Variants in FSHR observed in about 807,000 individuals in gnomAD.
The protein encoded by FSHR is follicle-stimulating hormone receptor.
A neutral mutation model predicts 52.1 loss-of-function variants in FSHR; 46 were observed. The ratio of observed to expected loss-of-function variants is 0.88; its 90% CI spans 0.70 to 1.13. The LOEUF (loss-of-function observed/expected upper bound fraction) is 1.13, where lower values mean the gene tolerates loss of function less well. Ranked by LOEUF, FSHR falls within the 50% of genes most tolerant of loss-of-function variation. FSHR has a pLI of 0.00. For missense variants in FSHR, 964 were observed against 834.6 expected (o/e 1.16, Z -1.91); for synonymous variants, 399 against 309.6 (o/e 1.29, Z -3.03).
At chr2:49,062,932 A>G (rs1362625996) in intron 2 of FSHR, among the ~76,000 whole-genome samples, 1 of 152,140 alleles carries the variant, frequency 6.6e-6, no homozygotes, top group Non-Finnish European at 1.5e-5. Context: ...AACATAAACA[A>G]ATACTGGCAA....
chr2:48,986,218 T>C (rs937764299), intron 6 of FSHR, among the ~76,000 whole-genome samples: 4 of 152,130 alleles, frequency 2.6e-5, no homozygotes, highest in South Asian at 2.1e-4. Flanking sequence ...AGTGAACATA[T>C]GGTATTTGGT....
intron 1 of FSHR, among the ~76,000 whole-genome samples, chr2:49,147,964 G>A (rs1227256436): frequency 6.6e-6 from 1 of 152,010 alleles, no homozygotes; most frequent in Admixed American, 6.6e-5. Flanking sequence ...AATTTGCACA[G>A]TGGGGTGTTC....
At chr2:49,035,329 C>T (rs943193543) in intron 2 of FSHR, among the ~76,000 whole-genome samples, 4 of 152,198 alleles carry the variant, frequency 2.6e-5, no homozygotes, top group Admixed American at 6.5e-5. Flanking sequence ...CTTTCATTTT[C>T]GAAGGGTCTC....
intron 3 of FSHR, among the ~76,000 whole-genome samples, chr2:49,019,085 T>C (rs1667601265): frequency 1.3e-5 from 2 of 152,216 alleles, no homozygotes; most frequent in African/African-American, 2.4e-5. Flanking sequence ...ATGTGTTCCA[T>C]GGGGATTTTG....
In FSHR at chr2:48,963,770, C is replaced by T; in HGVS notation, c.1051G>A (p.Asp351Asn). The change falls in exon 10 of 10, where the codon GAT (aspartate) becomes AAT (asparagine). Residue 351 changes from aspartate to asparagine, a missense_variant. Physicochemically the swap from Asp to Asn is conservative, Grantham distance 23 (BLOSUM62 1). Coordinates refer to ENST00000406846, the MANE Select transcript of FSHR (RefSeq NM_000145.4). ...VVDVTCSPKP[D>N]AFNPCEDIMG... ...ATATCTTCACATGGGTTGAATGCATCTGGCTTAGGGGAGCAGGTCACGTCA... is the reference window on the plus strand; with the variant it reads ...ATATCTTCACATGGGTTGAATGCATTTGGCTTAGGGGAGCAGGTCACGTCA... 4.3e-6 allele frequency: 7 copies of T among 1,614,114 alleles called. No homozygotes were observed. The highest frequency in any genetic ancestry group is 5.9e-6 in the Non-Finnish European group (7 of 1,180,016).
In FSHR at chr2:48,973,168, A is replaced by G. The variant is rs868537604; in HGVS notation, c.669-4285T>C. 3.9e-5 allele frequency among the ~76,000 whole-genome samples: 6 copies of G among 152,196 alleles called. No individual in the cohort carries two copies. In the South Asian group the frequency reaches 1.2e-3, roughly 32 times the overall value. The stretch of plus-strand genomic sequence containing the variant: ...GCCATGAAAGATCTCTGAATACCTT[A>G]AGGCTGCCATATTGGTAAAAGCCTA... On this transcript the variant is annotated intron_variant, in intron 8 of 9. Transcript: ENST00000406846.
rs375993923 is a variant in FSHR at position 49,016,731 on chromosome 2, G to T, written c.374+758C>A. ...AAGCCTCTATCTTTGTGTAGTGGTT[G>T]GTTGGTTATGCATGATTATGATGCT... is the stretch of plus-strand genomic sequence containing the variant. On this transcript the variant is annotated intron_variant, in intron 4 of 9. Transcript: ENST00000406846. 4.6e-5 allele frequency among the ~76,000 whole-genome samples: 7 copies of T among 152,164 alleles called. No homozygotes were observed. In the East Asian group the frequency reaches 5.8e-4, roughly 13 times the overall value.
rs530656483 is a variant in FSHR, at chr2:49,024,102, C to G, written c.225-3942G>C. On this transcript the variant is annotated intron_variant, in intron 2 of 9. Coordinates refer to ENST00000406846, the MANE Select transcript of FSHR (RefSeq NM_000145.4). ...TGACAAGTGCCGAACTGTTTTATTC[C>G]GAGTAGAGTTGTTACTGACTTATTG... 5.9e-5 allele frequency among the ~76,000 whole-genome samples: 9 copies of G among 152,066 alleles called. No homozygotes were observed. The East Asian group carries it at 1.7e-3, about 29-fold the overall frequency.
At chr2:49,017,628 T>C in intron 3 of FSHR, 65 bp from the exon 4 acceptor site, 1 of 1,156,566 alleles carries the variant, frequency 8.6e-7, no homozygotes, top group South Asian at 1.2e-5. Context: ...ATTTTTCACA[T>C]TTTACAGAGT....
intron 1 of FSHR, 119 bp downstream of exon 1, chr2:49,154,147 T>G: frequency 2.7e-6 from 3 of 1,122,978 alleles, no homozygotes. Context: ...TATTCAGGAC[T>G]TCGGTCAAGG....
At chr2:49,108,523 C>T (rs1035886177) in intron 1 of FSHR, among the ~76,000 whole-genome samples, 1 of 152,124 alleles carries the variant, frequency 6.6e-6, no homozygotes, top group African/African-American at 2.4e-5. Flanking sequence ...GTTCTGCTAC[C>T]TTTGGATCTG....
chr2:48,999,695 A>G (rs938388473), intron 4 of FSHR, among the ~76,000 whole-genome samples: 13 of 152,124 alleles, frequency 8.5e-5, no homozygotes, highest in African/African-American at 2.9e-4. Context: ...TACAATGGTC[A>G]AATACGTTTA....
intron 6 of FSHR, among the ~76,000 whole-genome samples, chr2:48,986,002 C>T (rs1055923783): frequency 6.6e-6 from 1 of 152,084 alleles, no homozygotes; most frequent in Non-Finnish European, 1.5e-5. Flanking sequence ...CGTGAGCCAC[C>T]GCGCCCGGCC....
intron 1 of FSHR, among the ~76,000 whole-genome samples, chr2:49,077,532 G>A (rs1352093345): frequency 6.6e-6 from 1 of 152,178 alleles, no homozygotes; most frequent in Non-Finnish European, 1.5e-5. Context: ...GTTGTCTTGG[G>A]TATTAACATT....
At chr2:49,004,229 C>G (rs1372889815) in intron 4 of FSHR, among the ~76,000 whole-genome samples, 1 of 152,180 alleles carries the variant, frequency 6.6e-6, no homozygotes, top group Non-Finnish European at 1.5e-5. Context: ...TGGTTGTTCT[C>G]ATTTGTCAGG....
chr2:49,044,024 A>G (rs1357156787), intron 2 of FSHR, among the ~76,000 whole-genome samples: 2 of 152,150 alleles, frequency 1.3e-5, no homozygotes, highest in African/African-American at 2.4e-5. Context: ...GGGGTTGCTT[A>G]TATTCTGGTT....
chr2:49,069,351 T>A (rs1017962530), intron 1 of FSHR, among the ~76,000 whole-genome samples: 5 of 152,268 alleles, frequency 3.3e-5, no homozygotes, highest in African/African-American at 1.2e-4. Flanking sequence ...TGGCTTGTTA[T>A]CTCAGACCCC....
chr2:49,039,126 A>G (rs927878786), intron 2 of FSHR, among the ~76,000 whole-genome samples: 46 of 137,408 alleles, frequency 3.3e-4, no homozygotes, highest in African/African-American at 1.1e-3. Flanking sequence ...ATATTTTTTT[A>G]CAGGTTATTT....
chr2:49,010,004 T>C (rs919454110), intron 4 of FSHR, among the ~76,000 whole-genome samples: 23 of 113,636 alleles, frequency 2.0e-4, no homozygotes, highest in African/African-American at 5.8e-4. Context: ...CTTTTCCTAA[T>C]TGAATACCCT....
Sources: gnomAD v4.1 joint callset for allele counts (sites outside exome capture counted in the v4.1 genomes callset) on GRCh38, gnomAD v4.1.1 for gene constraint, MANE v1.5 for transcripts, NCBI Gene and HGNC (gene_info 2026-07-23, HGNC 2026-07-21) for gene names.